CFI: variants seen among roughly 807,000 people sequenced by gnomAD.
CFI encodes C3B/C4B inactivator.
Under a neutral mutation model 78.8 loss-of-function variants are expected in CFI, and 66 were observed. The observed-to-expected ratio is 0.84, with a 90% CI of 0.69 to 1.03. The LOEUF is 1.03. Among genes scored for constraint, CFI ranks in the 50% least tolerant of loss-of-function variants. The probability of loss-of-function intolerance (pLI) is 0.00; values close to 1 mark genes in which losing one functional copy is unlikely to be tolerated. For missense variants in CFI, 706 were observed against 704.5 expected, an observed-to-expected ratio of 1.00 and a Z score of -0.02; for synonymous variants, 250 against 232.6, an observed-to-expected ratio of 1.07 and a Z score of -0.68.
chr4:109,740,555 C>G, downstream of CFI: 1 of 333,770 alleles, frequency 3.0e-6, no homozygotes, highest in South Asian at 2.7e-5. Flanking sequence ...ATAAATTGTC[C>G]AGGGCATAGT....
At chr4:109,741,205 T>G in intron 12 of CFI, 95 bp from the exon 13 acceptor site, 1 of 1,593,836 alleles carries the variant, frequency 6.3e-7, no homozygotes. Context: ...TTTGGCTTTT[T>G]TACAGTTTCC....
At chr4:109,785,183 G>A (rs12510718) in intron 1 of CFI, among the ~76,000 whole-genome samples, 35,158 of 151,936 alleles carry the variant, frequency 0.23, 4,843 homozygotes, top group Admixed American at 0.36. Context: ...GACTCAGCCC[G>A]CCTGCACCCA....
intron 1 of CFI, among the ~76,000 whole-genome samples, chr4:109,792,877 G>A (rs569046389): frequency 3.8e-4 from 58 of 152,210 alleles, no homozygotes; most frequent in Non-Finnish European, 6.3e-4. Flanking sequence ...TCTTTAGACA[G>A]CATATAGTTG....
chr4:109,783,707 G>A (rs1407827619), intron 1 of CFI, among the ~76,000 whole-genome samples: 1 of 151,066 alleles, frequency 6.6e-6, no homozygotes, highest in Non-Finnish European at 1.5e-5. Flanking sequence ...TTATTATTCT[G>A]AAAAGATACT....
chr4:109,764,923 A>G lies in CFI; in HGVS notation c.329-233T>C, dbSNP rs77441601. On this transcript the variant is annotated intron_variant, in intron 2 of 12. Coordinates refer to ENST00000394634, the MANE Select transcript of CFI (RefSeq NM_000204.5). ...ACTCACATCAACCCTATGAGGATAA[A>G]GCCTATTTATTCCCATTTTTACACA... Among the ~76,000 whole-genome samples the G allele has an allele frequency of 9.3e-3, 1,423 of 152,270 alleles. 66 individuals are homozygous for G. The East Asian group carries it at 0.13, about 14-fold the overall frequency.
chr4:109,739,068 GT>G (rs1723548533), downstream of CFI, among the ~76,000 whole-genome samples: 1 of 152,056 alleles, frequency 6.6e-6, no homozygotes, highest in Non-Finnish European at 1.5e-5. Context: ...CTTACAAATA[GT>G]TAAAATTGTT....
In CFI at chr4:109,746,447, G is replaced by C. The variant is rs1416762682; in HGVS notation, c.1204C>G (p.Pro402Ala). The C allele has an allele frequency of 6.2e-7, 1 of 1,613,640 alleles. No homozygotes were observed. Among genetic ancestry groups the C allele is most frequent in the Middle Eastern group, 1.7e-4 (1 of 6,058 alleles). The change falls in exon 11 of 13, where the codon CCC becomes GCC. Residue 402 changes from proline to alanine, a missense_variant. Pro to Ala is a conservative substitution (Grantham distance 27). Coordinates refer to ENST00000394634, the MANE Select transcript of CFI (RefSeq NM_000204.5). ...IWTTVVDWIH[P>A]DLKRIVIEYV... ...TCAATTACTATACGTTTAAGGTCGGGGTGTATCCAGTCTACTACTGTTGTC... is the reference window on the plus strand; with the variant it reads ...TCAATTACTATACGTTTAAGGTCGGCGTGTATCCAGTCTACTACTGTTGTC...
At chr4:109,745,432 G>A (rs1724295237) in intron 11 of CFI, among the ~76,000 whole-genome samples, 1 of 152,146 alleles carries the variant, frequency 6.6e-6, no homozygotes, top group Non-Finnish European at 1.5e-5. Context: ...CTCCCAAAGT[G>A]CTAGGATTAG....
At chr4:109,748,110 G>A (rs1267003285) in intron 10 of CFI, among the ~76,000 whole-genome samples, 2 of 152,074 alleles carry the variant, frequency 1.3e-5, no homozygotes, top group Admixed American at 1.3e-4. Context: ...TTTACATAAG[G>A]GTGATTCAGG....
At chr4:109,762,462 T>C (rs1357610080) in intron 3 of CFI, 1 of 152,226 alleles carries the variant, frequency 6.6e-6, no homozygotes, top group Non-Finnish European at 1.5e-5. Context: ...CAGTGACGTA[T>C]TATCCTAGAG....
intron 8 of CFI, among the ~76,000 whole-genome samples, chr4:109,752,227 A>G (rs1258345540): frequency 6.6e-6 from 1 of 152,168 alleles, no homozygotes; most frequent in Non-Finnish European, 1.5e-5. Flanking sequence ...TGATTGGAGT[A>G]TTGTTTTCAT....
chr4:109,766,602 G>A lies in CFI; in HGVS notation c.280C>T (p.Leu94Phe), dbSNP rs1027910523. 1 of 1,614,194 alleles carries A rather than the reference G, an allele frequency of 6.2e-7. No individual in the cohort carries two copies. Among genetic ancestry groups the A allele is most frequent in the Non-Finnish European group, 8.5e-7 (1 of 1,180,028 alleles). Residue 94 changes from leucine to phenylalanine, a missense_variant, in exon 2 of 13, where the codon CTT becomes TTT. Leu to Phe is a conservative substitution (Grantham distance 22). Transcript: ENST00000394634. The stretch of plus-strand genomic sequence containing the variant: ...TTTAAAAACTTTGTCCCTGGATGAA[G>A]ACATTCCAAACTCTTTTGTTGACAG... Reference protein sequence around the residue: ...TYCQQKSLECLHPGTKFLNNG... With the variant: ...TYCQQKSLECFHPGTKFLNNG...
chr4:109,779,249 G>A (rs1163490128), intron 1 of CFI, among the ~76,000 whole-genome samples: 1 of 152,094 alleles, frequency 6.6e-6, no homozygotes, highest in Admixed American at 6.6e-5. Context: ...GTCTCAGCCC[G>A]AAATCTCCTT....
chr4:109,775,203 C>T (rs1188452977), intron 1 of CFI, among the ~76,000 whole-genome samples: 8 of 152,120 alleles, frequency 5.3e-5, no homozygotes, highest in African/African-American at 1.2e-4. Flanking sequence ...GGTGGGGCAT[C>T]GCCTCACCCG....
chr4:109,775,443 G>C (rs746283916), intron 1 of CFI, among the ~76,000 whole-genome samples: 2 of 152,244 alleles, frequency 1.3e-5, no homozygotes, highest in Admixed American at 6.5e-5. Context: ...TGGCAGCAAG[G>C]CTGGGGGAGG....
At chr4:109,796,115 C>T (rs1349284404) in intron 1 of CFI, among the ~76,000 whole-genome samples, 1 of 152,164 alleles carries the variant, frequency 6.6e-6, no homozygotes, top group Non-Finnish European at 1.5e-5. Context: ...AGAAAAGCAA[C>T]TTGTCATATA....
intron 1 of CFI, among the ~76,000 whole-genome samples, chr4:109,771,627 T>C (rs1163106814): frequency 1.4e-5 from 2 of 144,756 alleles, no homozygotes; most frequent in African/African-American, 5.2e-5. Flanking sequence ...GGCAGGGGAA[T>C]TGCTTGAACC....
the CFI span, among the ~76,000 whole-genome samples, chr4:109,731,336 C>T: frequency 4.6e-5 from 7 of 151,558 alleles, no homozygotes; most frequent in Non-Finnish European, 1.0e-4. Flanking sequence ...GGGCACAGAG[C>T]GAGACTCTAA....
At chr4:109,754,087 G>A (rs1268060033) in intron 7 of CFI, among the ~76,000 whole-genome samples, 1 of 151,456 alleles carries the variant, frequency 6.6e-6, no homozygotes, top group Non-Finnish European at 1.5e-5. Context: ...AGGTTCAAGC[G>A]ATTCTCCTGC....
Sources: allele counts gnomAD v4.1 joint callset (sites outside exome capture counted in the v4.1 genomes callset), GRCh38; gene constraint gnomAD v4.1.1; transcripts MANE v1.5; gene names NCBI Gene and HGNC (gene_info 2026-07-23, HGNC 2026-07-21).